Variants in TMX2 observed in about 807,000 individuals in gnomAD.
The protein encoded by TMX2 is thioredoxin-related transmembrane protein 2.
A neutral mutation model predicts 33.4 loss-of-function variants in TMX2; 20 were observed. The ratio of observed to expected loss-of-function variants is 0.60; its 90% confidence interval spans 0.42 to 0.87. The LOEUF (loss-of-function observed/expected upper bound fraction) is 0.87. Ranked by LOEUF, TMX2 falls within the 40% of genes least tolerant of loss-of-function variation. The pLI is 0.00. For missense variants in TMX2, 340 were observed against 370.7 expected, an observed-to-expected ratio of 0.92 and a Z score of 0.68; for synonymous variants, 166 against 140.7, an observed-to-expected ratio of 1.18 and a Z score of -1.27.
At chr11:57,718,030 G>A (rs1947298852) in intron 1 of TMX2, 2 of 992,632 alleles carry the variant, frequency 2.0e-6, no homozygotes, top group Admixed American at 3.4e-5. Flanking sequence ...GACAAAACAA[G>A]TCAAACTTAC....
Position 57,712,709 on chromosome 11 carries a change from C to G in TMX2, c.91C>G (p.Leu31Val). 6.2e-7 allele frequency: 1 copy of G among 1,614,216 alleles called. No homozygotes were observed. The highest frequency in any genetic ancestry group is 8.5e-7 in the Non-Finnish European group (1 of 1,180,038). Residue 31 changes from leucine (L) to valine (V), a missense_variant, in exon 1 of 8, where the codon CTG becomes GTG. Around this residue, in one of 3 missense-constraint regions of TMX2, gnomAD observed 106 missense variants for 82.7 expected, o/e 1.28. Coordinates refer to ENST00000278422, the MANE Select transcript of TMX2 (RefSeq NM_015959.4). ...CCAACCTTACTACCTTCTGTCGGCC[C>G]TGCTCTCTGCTGCCTTCCTACTCGT... ...LAQPYYLLSA[L>V]LSAAFLLVRK... is the part of the protein sequence containing the mutation.
At chr11:57,718,070 C>T in intron 1 of TMX2, 3 of 1,253,406 alleles carry the variant, frequency 2.4e-6, no homozygotes, top group Non-Finnish European at 3.5e-6. Context: ...CAATGGTGAT[C>T]TTCTTGCTGG....
Position 57,740,120 on chromosome 11 carries a change from A to G in TMX2, c.766A>G (p.Asn256Asp). ...GCAGGAGAATGTGATCCGAGAATTT[A>G]ACTTAAATGAGCTATACCAGCGGGC... ...FSEENVIREF[N>D]LNELYQRAKK... The change falls in exon 8 of 8, where the codon AAC becomes GAC. Residue 256 changes from asparagine (N) to aspartate (D), a missense_variant. Asn to Asp is a conservative substitution (Grantham distance 23). Coordinates refer to ENST00000278422, the MANE Select transcript of TMX2 (RefSeq NM_015959.4). The G allele has an allele frequency of 6.2e-7, 1 of 1,614,002 alleles. No individual in the cohort carries two copies.
intron 1 of TMX2, among the ~76,000 whole-genome samples, chr11:57,733,651 C>T (rs1281919866): frequency 6.6e-6 from 1 of 152,176 alleles, no homozygotes; most frequent in Non-Finnish European, 1.5e-5. Flanking sequence ...AATTGGAAAT[C>T]ACAGTGGCAA....
chr11:57,716,306 A>C (rs1590901040), intron 1 of TMX2, among the ~76,000 whole-genome samples: 3 of 103,462 alleles, frequency 2.9e-5, no homozygotes, highest in Non-Finnish European at 6.0e-5. Flanking sequence ...TGACCCCCCC[A>C]CCTCCCTCCC....
At chr11:57,734,183 AAAAAG>A (rs1948596111) in intron 1 of TMX2, among the ~76,000 whole-genome samples, 2 of 149,224 alleles carry the variant, frequency 1.3e-5, no homozygotes, top group African/African-American at 5.1e-5. Flanking sequence ...AAAAAAAAAA[AAAAAG>A]GACTGCAAGG....
chr11:57,712,877 C>G (rs535450615), intron 1 of TMX2, 70 bp downstream of exon 1: 1 of 1,565,456 alleles, frequency 6.4e-7, no homozygotes, highest in East Asian at 2.2e-5. Flanking sequence ...TCTGGGAACC[C>G]TGGGGTTTAC....
intron 1 of TMX2, among the ~76,000 whole-genome samples, chr11:57,723,242 G>GACT (rs1193553882): frequency 6.6e-6 from 1 of 151,944 alleles, no homozygotes; most frequent in African/African-American, 2.4e-5. Flanking sequence ...CACTTTGGGA[G>GACT]GCCAGGGCGG....
intron 1 of TMX2, among the ~76,000 whole-genome samples, chr11:57,728,592 GC>G (rs1209715606): frequency 1.3e-5 from 2 of 152,070 alleles, no homozygotes; most frequent in Non-Finnish European, 2.9e-5. Flanking sequence ...CTGGTTTTTT[GC>G]TAGGAAGTTG....
intron 1 of TMX2, among the ~76,000 whole-genome samples, chr11:57,720,218 G>A (rs1050146713): frequency 6.6e-6 from 1 of 151,292 alleles, no homozygotes; most frequent in African/African-American, 2.4e-5. Context: ...AGTCACTAAT[G>A]GGTTCATGTC....
intron 1 of TMX2, among the ~76,000 whole-genome samples, chr11:57,733,003 T>C (rs2135592172): frequency 3.3e-5 from 5 of 152,316 alleles, no homozygotes; most frequent in Admixed American, 3.3e-4. Context: ...AACATGTTAC[T>C]GTACTAATAA....
At chr11:57,718,023 A>G in intron 1 of TMX2, 1 of 904,090 alleles carries the variant, frequency 1.1e-6, no homozygotes, top group Admixed American at 1.7e-5. Context: ...TGGTGAAGAC[A>G]AAACAAGTCA....
chr11:57,740,525 C>G lies in TMX2; in HGVS notation c.*280C>G. 1 of 325,326 alleles carries G rather than the reference C, an allele frequency of 3.1e-6. No individual in the cohort carries two copies. Among genetic ancestry groups the G allele is most frequent in the East Asian group, 6.6e-5 (1 of 15,220 alleles). The allele number at this position is 325,326 out of a possible 1,614,324, so 20.2% of individuals were successfully genotyped here. ...CAAGCTTGGGTCAGTGTGTTAACTG[C>G]TTATCAGCTATTCAGACATCTCCAT... On this transcript the variant is annotated 3_prime_UTR_variant, in exon 8 of 8. Coordinates refer to ENST00000278422, the MANE Select transcript of TMX2 (RefSeq NM_015959.4).
intron 1 of TMX2, among the ~76,000 whole-genome samples, chr11:57,724,659 G>A (rs1209915797): frequency 2.6e-5 from 4 of 151,442 alleles, no homozygotes; most frequent in Non-Finnish European, 5.9e-5. Context: ...AAAACATACA[G>A]GTTAATAGAA....
At chr11:57,721,012 T>TC (rs1211889348) in intron 1 of TMX2, among the ~76,000 whole-genome samples, 1 of 151,830 alleles carries the variant, frequency 6.6e-6, no homozygotes, top group Non-Finnish European at 1.5e-5. Context: ...TAGCTGTTTT[T>TC]TTTTTTTTTC....
At chr11:57,736,924 T>C (rs1016120643) in intron 1 of TMX2, among the ~76,000 whole-genome samples, 1 of 151,886 alleles carries the variant, frequency 6.6e-6, no homozygotes, top group African/African-American at 2.4e-5. Context: ...TAGCTAGATA[T>C]TATATTAATG....
At chr11:57,734,779 T>TA (rs1948637720) in intron 1 of TMX2, among the ~76,000 whole-genome samples, 1 of 151,730 alleles carries the variant, frequency 6.6e-6, no homozygotes, top group African/African-American at 2.4e-5. Flanking sequence ...AAAATAAAAA[T>TA]AAATAAAATT....
intron 1 of TMX2, among the ~76,000 whole-genome samples, chr11:57,734,839 A>G (rs933213179): frequency 2.0e-5 from 3 of 152,024 alleles, no homozygotes; most frequent in Non-Finnish European, 2.9e-5. Context: ...AGTTTCATTC[A>G]TGAAAATCTT....
At chr11:57,719,644 G>A (rs984319545) in intron 1 of TMX2, among the ~76,000 whole-genome samples, 2 of 148,806 alleles carry the variant, frequency 1.3e-5, no homozygotes, top group African/African-American at 4.9e-5. Flanking sequence ...AGCCTTCTGA[G>A]TAGCTGGGAT....
Sources: allele counts gnomAD v4.1 joint callset (sites outside exome capture counted in the v4.1 genomes callset), GRCh38; gene constraint gnomAD v4.1.1; regional missense constraint gnomAD v4.1.1; transcripts MANE v1.5; gene names NCBI Gene and HGNC (gene_info 2026-07-23, HGNC 2026-07-21).